The following BCL9 variants were observed in gnomAD, a reference collection of about 807,000 sequenced individuals.
The protein encoded by BCL9 is BCL9 transcription coactivator, also known as B-cell CLL/lymphoma 9 protein.
Under a neutral mutation model 88.5 loss-of-function variants are expected in BCL9, and 25 were observed. The observed-to-expected ratio is 0.28, with a 90% confidence interval of 0.21 to 0.39. The LOEUF (loss-of-function observed/expected upper bound fraction) is 0.39, where lower values mean the gene tolerates loss of function less well. Among genes scored for constraint, BCL9 ranks in the 10% least tolerant of loss-of-function variants. The pLI is 1.00. For synonymous variants in BCL9, 711 were observed against 673.3 expected (o/e 1.06, Z -0.87); for missense variants, 1,817 against 1,877.8 (o/e 0.97, Z 0.60).
chr1:147,571,061 T>A (rs1655865517), intron 1 of BCL9, among the ~76,000 whole-genome samples: 1 of 152,092 alleles, frequency 6.6e-6, no homozygotes, highest in African/African-American at 2.4e-5. Context: ...ACCCACCAGG[T>A]GCCCCTGAGA....
rs1221023804 is a variant in BCL9, at chr1:147,604,789, G to A, written c.-465G>A. 1.3e-5 allele frequency: 2 copies of A among 152,120 alleles called. No individual in the cohort carries two copies. Among genetic ancestry groups the A allele is most frequent in the East Asian group, 1.9e-4 (1 of 5,190 alleles). 9.4% of individuals were successfully genotyped at this position (152,120 alleles called of 1,614,324 possible). A position where few individuals can be genotyped will look rare whatever the true frequency, so the allele number is the denominator to read the frequency against. On this transcript the variant is annotated 5_prime_UTR_variant, in exon 2 of 10. Coordinates refer to ENST00000234739, the MANE Select transcript of BCL9 (RefSeq NM_004326.4). ...CTTATCTGTATAGGACTGAATGTGG[G>A]CCCAGTTGGCGTCATTCTGCTTTGA...
chr1:147,593,216 C>T (rs868964320), intron 1 of BCL9, among the ~76,000 whole-genome samples: 1 of 152,210 alleles, frequency 6.6e-6, no homozygotes, highest in Non-Finnish European at 1.5e-5. Context: ...AGTGCTTCCA[C>T]CTCCATGAAG....
rs1658005686 is a variant in BCL9, at chr1:147,611,593, C to G, written c.-244C>G. 6 of 543,072 alleles carry G rather than the reference C, an allele frequency of 1.1e-5. No homozygotes were observed. In the East Asian group the frequency reaches 1.7e-4, roughly 16 times the overall value. The allele number at this position is 543,072 out of a possible 1,614,324, so 33.6% of individuals were successfully genotyped here. A position where few individuals can be genotyped will look rare whatever the true frequency, so the allele number is the denominator to read the frequency against. On this transcript the variant is annotated 5_prime_UTR_variant, in exon 4 of 10. Coordinates refer to ENST00000234739, the MANE Select transcript of BCL9 (RefSeq NM_004326.4). The stretch of plus-strand genomic sequence containing the variant: ...TTTCCTGTAGTATGCCCTGGAGATG[C>G]GAGATTTTCCTCTGGCAGCAGGAGG...
intron 1 of BCL9, among the ~76,000 whole-genome samples, chr1:147,573,745 G>T (rs1431379705): frequency 6.6e-6 from 1 of 152,142 alleles, no homozygotes; most frequent in Admixed American, 6.5e-5. Context: ...ACAATGCCTG[G>T]TTCACTATAT....
At position 147,626,028 on chromosome 1, in the gene BCL9, T is replaced by C. The variant is rs1486517966; in HGVS notation, c.*1069T>C. 1 of 226,900 alleles carries C rather than the reference T, an allele frequency of 4.4e-6. No individual in the cohort carries two copies. The highest frequency in any genetic ancestry group is 8.8e-6 in the Non-Finnish European group (1 of 113,860). 14.1% of individuals were successfully genotyped at this position (226,900 alleles called of 1,614,324 possible). A position where few individuals can be genotyped will look rare whatever the true frequency, so the allele number is the denominator to read the frequency against. On this transcript the variant is annotated 3_prime_UTR_variant, in exon 10 of 10. Coordinates refer to ENST00000234739, the MANE Select transcript of BCL9 (RefSeq NM_004326.4). ...GGAATTCCCAAGTGAATTTTATTAA[T>C]GTGGGAGTGGAACAGATGCTAAAAG...
Position 147,622,593 on chromosome 1 carries a change from C to T in BCL9, c.3163+62C>T, listed in dbSNP as rs587683642. ...TAGACCAAAGAGAAACCTCTTGAAG[C>T]GTTTTCTCAATGGCTATACACCTGA... On this transcript the variant is annotated intron_variant, in intron 9 of 9. Coordinates refer to ENST00000234739, the MANE Select transcript of BCL9 (RefSeq NM_004326.4). 3.0e-4 allele frequency: 484 copies of T among 1,590,828 alleles called. 6 individuals are homozygous for T. In the South Asian group the frequency reaches 3.5e-3, roughly 11 times the overall value.
At chr1:147,545,320 C>T (rs1305540643) in intron 1 of BCL9, among the ~76,000 whole-genome samples, 2 of 152,080 alleles carry the variant, frequency 1.3e-5, no homozygotes, top group East Asian at 3.9e-4. Flanking sequence ...TGATCACTTC[C>T]GACATACTCT....
chr1:147,574,806 C>T (rs1553197899), intron 1 of BCL9, among the ~76,000 whole-genome samples: 1 of 152,176 alleles, frequency 6.6e-6, no homozygotes, highest in Non-Finnish European at 1.5e-5. Flanking sequence ...AGATCTGACT[C>T]ACATAACATG....
chr1:147,582,085 T>C (rs1553198699), intron 1 of BCL9, among the ~76,000 whole-genome samples: 1 of 152,254 alleles, frequency 6.6e-6, no homozygotes, highest in African/African-American at 2.4e-5. Context: ...CATATGTTTC[T>C]GTCTATATAA....
chr1:147,576,406 G>C (rs1200641790), intron 1 of BCL9, among the ~76,000 whole-genome samples: 1 of 152,134 alleles, frequency 6.6e-6, no homozygotes, highest in Non-Finnish European at 1.5e-5. Context: ...TAAAACACCG[G>C]AGTGCACACT....
chr1:147,617,475 G>A (rs1658343396), intron 7 of BCL9, among the ~76,000 whole-genome samples: 1 of 152,118 alleles, frequency 6.6e-6, no homozygotes, highest in Non-Finnish European at 1.5e-5. Context: ...TAGGAGTGTG[G>A]ATATGAAATA....
At position 147,614,598 on chromosome 1, in the gene BCL9, C is replaced by G. The variant is rs1553203501; in HGVS notation, c.542C>G (p.Ser181Cys). 3.1e-6 allele frequency: 5 copies of G among 1,612,406 alleles called. No homozygotes were observed. Among genetic ancestry groups the G allele is most frequent in the Non-Finnish European group, 4.2e-6 (5 of 1,179,384 alleles). The stretch of plus-strand genomic sequence containing the variant: ...CCAGCCAAAGTGGTGTACGTGTTTT[C>G]TACTGAGATGGCCAATAAGTAAGTT... ...KTPAKVVYVF[S>C]TEMANKAAEA... is the part of the protein sequence containing the mutation. The change falls in exon 6 of 10, where the codon TCT becomes TGT. Residue 181 changes from serine (S) to cysteine (C), a missense_variant. By Grantham distance (112) the Ser-to-Cys change is moderately radical (BLOSUM62 -1). Transcript: ENST00000234739.
intron 8 of BCL9, among the ~76,000 whole-genome samples, chr1:147,621,475 T>C (rs1203932560): frequency 6.6e-6 from 1 of 152,218 alleles, no homozygotes; most frequent in African/African-American, 2.4e-5. Flanking sequence ...GTAAGACTTG[T>C]GTGGTTCTTG....
At chr1:147,576,758 G>T (rs1553198138) in intron 1 of BCL9, among the ~76,000 whole-genome samples, 1 of 152,172 alleles carries the variant, frequency 6.6e-6, no homozygotes, top group African/African-American at 2.4e-5. Flanking sequence ...GGGAACTTAT[G>T]TGAGGAAACT....
intron 5 of BCL9, among the ~76,000 whole-genome samples, chr1:147,613,737 G>A (rs1454595588): frequency 1.3e-5 from 2 of 152,172 alleles, no homozygotes; most frequent in Non-Finnish European, 2.9e-5. Flanking sequence ...GTGGCTACCA[G>A]ATGTGTAGAG....
In BCL9 at chr1:147,615,838, C is replaced by A; in HGVS notation, c.596C>A (p.Thr199Asn). 5.0e-6 allele frequency: 8 copies of A among 1,614,196 alleles called. No homozygotes were observed. Among genetic ancestry groups the A allele is most frequent in the Non-Finnish European group, 6.8e-6 (8 of 1,180,038 alleles). The change falls in exon 7 of 10, where the codon ACT becomes AAT. Residue 199 changes from threonine to asparagine, a missense_variant. Physicochemically the swap from Thr to Asn is moderately conservative, Grantham distance 65 (BLOSUM62 0). This residue lies in a region of BCL9 where 1,228 missense variants were observed against 1,191.6 expected (regional missense o/e 1.03). Coordinates refer to ENST00000234739, the MANE Select transcript of BCL9 (RefSeq NM_004326.4). ...AEAVLKGQVE[T>N]IVSFHIQNIS... ...GCTGTTTTGAAGGGCCAGGTTGAAA[C>A]TATCGTCTCTTTCCACATCCAGAAC...
In BCL9 at chr1:147,620,293, C is replaced by G; in HGVS notation, c.2138C>G (p.Pro713Arg). 1.2e-6 allele frequency: 2 copies of G among 1,614,182 alleles called. No homozygotes were observed. Among genetic ancestry groups the G allele is most frequent in the Non-Finnish European group, 1.7e-6 (2 of 1,180,044 alleles). Residue 713 changes from proline (P) to arginine (R), a missense_variant, in exon 8 of 10, where the codon CCT (proline) becomes CGT (arginine). By Grantham distance (103) the Pro-to-Arg change is moderately radical (BLOSUM62 -2). Around this residue, in one of 2 missense-constraint regions of BCL9, gnomAD observed 1,228 missense variants for 1,191.6 expected, o/e 1.03. Coordinates refer to ENST00000234739, the MANE Select transcript of BCL9 (RefSeq NM_004326.4). ...CGGGAACTTGAGTTTGGGATGGTTC[C>G]TAGTGGGATGAAGGGAGATGTCAAT... ...PGRELEFGMV[P>R]SGMKGDVNLN...
In BCL9 at chr1:147,624,249, G is replaced by C; in HGVS notation, c.3571G>C (p.Ala1191Pro). ...SNLPQSSADA[A>P]LCKPGGPGGP... ...CCTGCCCCAAAGTTCAGCAGATGCA[G>C]CACTTTGCAAGCCTGGAGGCCCCGG... Residue 1191 changes from alanine (A) to proline (P), a missense_variant, in exon 10 of 10, where the codon GCA (alanine) becomes CCA (proline). Around this residue, in one of 2 missense-constraint regions of BCL9, gnomAD observed 589 missense variants for 686.2 expected, o/e 0.86. Coordinates refer to ENST00000234739, the MANE Select transcript of BCL9 (RefSeq NM_004326.4). This position sits in a 1 kb window ranked among gnomAD's most constrained non-coding sequence, Gnocchi z 4.4. 14 of 1,614,170 alleles carry C rather than the reference G, an allele frequency of 8.7e-6. No individual in the cohort carries two copies. Among genetic ancestry groups the C allele is most frequent in the Non-Finnish European group, 1.2e-5 (14 of 1,180,004 alleles).
At chr1:147,584,457 A>C (rs1393410901) in intron 1 of BCL9, among the ~76,000 whole-genome samples, 1 of 152,194 alleles carries the variant, frequency 6.6e-6, no homozygotes, top group Non-Finnish European at 1.5e-5. Flanking sequence ...TGAGGATCTT[A>C]AATTTTCTTC....
Sources: allele counts gnomAD v4.1 joint callset (sites outside exome capture counted in the v4.1 genomes callset), GRCh38; gene constraint gnomAD v4.1.1; regional missense constraint gnomAD v4.1.1; non-coding constraint Gnocchi (gnomAD v3.1); transcripts MANE v1.5; gene names NCBI Gene and HGNC (gene_info 2026-07-23, HGNC 2026-07-21).